PTPRM: variants seen among roughly 807,000 people sequenced by gnomAD.
PTPRM encodes protein tyrosine phosphatase receptor type M, also known as receptor-type tyrosine-protein phosphatase mu.
A neutral mutation model predicts 186.7 loss-of-function variants in PTPRM; 47 were observed. That is an observed-to-expected ratio of 0.25 (90% CI 0.20 to 0.32). PTPRM has a LOEUF of 0.32. Among genes scored for constraint, PTPRM ranks in the 10% least tolerant of loss-of-function variants. The pLI, the probability that PTPRM is intolerant of heterozygous loss-of-function variation, is 1.00. For synonymous variants in PTPRM, 668 were observed against 674.9 expected, an observed-to-expected ratio of 0.99 and a Z score of 0.16; for missense variants, 1,494 against 1,865.0, an observed-to-expected ratio of 0.80 and a Z score of 3.66.
intron 4 of PTPRM, among the ~76,000 whole-genome samples, chr18:7,911,016 A>G (rs2050236532): frequency 6.6e-6 from 1 of 152,162 alleles, no homozygotes; most frequent in South Asian, 2.1e-4. Context: ...TATTCATTTA[A>G]ATGCAGTTGC....
At chr18:8,252,456 C>G in intron 17 of PTPRM, 32 bp from the exon 18 acceptor site, 1 of 1,521,962 alleles carries the variant, frequency 6.6e-7, no homozygotes, top group Admixed American at 1.7e-5. Context: ...TTTTCTCCTC[C>G]TTTTTTCTCC....
intron 1 of PTPRM, among the ~76,000 whole-genome samples, chr18:7,719,409 T>C (rs2144846257): frequency 6.6e-6 from 1 of 152,064 alleles, no homozygotes; most frequent in South Asian, 2.1e-4. Flanking sequence ...GTGTGGGTGA[T>C]AAAAGATGAC....
In PTPRM at chr18:7,665,695, G is replaced by A. The variant is rs374573644; in HGVS notation, c.73+97804G>A. Among the ~76,000 whole-genome samples, 76 of 152,138 alleles carry A rather than the reference G, an allele frequency of 5.0e-4. No homozygotes were observed. In the East Asian group the frequency reaches 7.3e-3, roughly 15 times the overall value. On this transcript the variant is annotated intron_variant, in intron 1 of 32. Coordinates refer to ENST00000580170, the MANE Select transcript of PTPRM (RefSeq NM_001105244.2). ...TAATCCCAGCACTTTTGGAGGCCGAGGGGGGTGGATCATGAGGTCAGGAGA... is the reference window on the plus strand; with the variant it reads ...TAATCCCAGCACTTTTGGAGGCCGAAGGGGGTGGATCATGAGGTCAGGAGA...
chr18:8,037,696 T>A (rs959418016), intron 7 of PTPRM, among the ~76,000 whole-genome samples: 2 of 152,152 alleles, frequency 1.3e-5, no homozygotes, highest in Non-Finnish European at 2.9e-5. Flanking sequence ...ATTTGTAAAA[T>A]CTTAAGTGAG....
intron 22 of PTPRM, among the ~76,000 whole-genome samples, chr18:8,325,882 G>A (rs1207779803): frequency 6.6e-6 from 1 of 152,166 alleles, no homozygotes; most frequent in African/African-American, 2.4e-5. Context: ...TAATTGGTGT[G>A]AGATGGTATC....
At chr18:7,927,755 T>C (rs9949116) in intron 5 of PTPRM, among the ~76,000 whole-genome samples, 24,836 of 152,058 alleles carry the variant, frequency 0.16, 2,404 homozygotes, top group Middle Eastern at 0.32. Context: ...ATTTGTTTTG[T>C]TTTGTGTTTG....
chr18:7,802,552 G>A (rs142930004), intron 2 of PTPRM, among the ~76,000 whole-genome samples: 1 of 151,994 alleles, frequency 6.6e-6, no homozygotes, highest in South Asian at 2.1e-4. Context: ...GTTTATTTCT[G>A]CCCTGTTTTC....
intron 18 of PTPRM, 42 bp from the exon 19 acceptor site, chr18:8,253,185 C>T: frequency 7.4e-7 from 1 of 1,347,922 alleles, no homozygotes; most frequent in Non-Finnish European, 9.7e-7. Flanking sequence ...CGACCTAGCT[C>T]CCTGGCTCTC....
intron 11 of PTPRM, among the ~76,000 whole-genome samples, chr18:8,111,772 G>A (rs1239672449): frequency 6.6e-6 from 1 of 152,064 alleles, no homozygotes; most frequent in Non-Finnish European, 1.5e-5. Context: ...TCATTTCGTA[G>A]GAGAAAAATA....
intron 14 of PTPRM, among the ~76,000 whole-genome samples, chr18:8,196,894 A>G (rs986473225): frequency 2.6e-5 from 4 of 152,206 alleles, no homozygotes; most frequent in Non-Finnish European, 5.9e-5. Context: ...GTCTATCTGT[A>G]TCATACCGTG....
At chr18:7,684,691 G>T (rs2039558937) in intron 1 of PTPRM, among the ~76,000 whole-genome samples, 1 of 152,100 alleles carries the variant, frequency 6.6e-6, no homozygotes, top group Admixed American at 6.5e-5. Context: ...TCTCTTTAAA[G>T]GTGAATAATA....
intron 1 of PTPRM, among the ~76,000 whole-genome samples, chr18:7,672,666 C>T (rs1413325631): frequency 1.3e-5 from 2 of 152,080 alleles, no homozygotes; most frequent in African/African-American, 4.8e-5. Context: ...AGGAGTCAGG[C>T]CTGTAGAAAT....
intron 2 of PTPRM, among the ~76,000 whole-genome samples, chr18:7,810,565 C>A (rs2044459531): frequency 6.6e-6 from 1 of 151,802 alleles, no homozygotes; most frequent in African/African-American, 2.4e-5. Flanking sequence ...TAACCTGAGC[C>A]TTAGTTTCCT....
At position 8,037,789 on chromosome 18, in the gene PTPRM, G is replaced by A. The variant is rs924156190; in HGVS notation, c.1133-31897G>A. On this transcript the variant is annotated intron_variant, in intron 7 of 32. Transcript: ENST00000580170. ...ACTCTGCTAATCTGCAGAAGACAAG[G>A]TCTGAGATCGTGATGGACTAGTAAG... 3.5e-4 allele frequency among the ~76,000 whole-genome samples: 53 copies of A among 152,044 alleles called. 1 individual carries two copies. The highest frequency in any genetic ancestry group is 5.3e-4 in the Non-Finnish European group (36 of 68,006).
At chr18:7,737,535 CAGACTCCAGGGCTTG>C (rs1486407407) in intron 1 of PTPRM, among the ~76,000 whole-genome samples, 1 of 152,216 alleles carries the variant, frequency 6.6e-6, no homozygotes, top group East Asian at 1.9e-4. Flanking sequence ...ATAGATTAGA[CAGACTCCAGGGCTTG>C]TATTCAACCA....
intron 20 of PTPRM, among the ~76,000 whole-genome samples, chr18:8,303,142 C>G (rs968430805): frequency 3.3e-5 from 5 of 151,852 alleles, no homozygotes; most frequent in African/African-American, 1.2e-4. Flanking sequence ...AATGGGCGGT[C>G]CTGAGACAGA....
intron 1 of PTPRM, among the ~76,000 whole-genome samples, chr18:7,696,350 A>C (rs1350272681): frequency 2.6e-5 from 4 of 152,194 alleles, no homozygotes. Flanking sequence ...AGTGCATGAC[A>C]TCTAAATTTG....
intron 6 of PTPRM, among the ~76,000 whole-genome samples, chr18:7,950,560 T>C (rs1157392417): frequency 6.6e-6 from 1 of 152,214 alleles, no homozygotes; most frequent in Non-Finnish European, 1.5e-5. Context: ...TGCTGCTGTT[T>C]CCTTGTGTGT....
intron 1 of PTPRM, among the ~76,000 whole-genome samples, chr18:7,644,427 C>T (rs560022398): frequency 2.0e-5 from 3 of 152,160 alleles, no homozygotes; most frequent in South Asian, 2.1e-4. Flanking sequence ...TAGAATTGTA[C>T]GTCAGTTCTA....
Sources: gnomAD v4.1 joint callset for allele counts (sites outside exome capture counted in the v4.1 genomes callset) on GRCh38, gnomAD v4.1.1 for gene constraint, MANE v1.5 for transcripts, NCBI Gene and HGNC (gene_info 2026-07-23, HGNC 2026-07-21) for gene names.